The following TRIP12 variants were observed in gnomAD, a reference collection of about 807,000 sequenced individuals.
TRIP12 encodes thyroid hormone receptor interactor 12.
Under a neutral mutation model 244.2 loss-of-function variants are expected in TRIP12, and 25 were observed. The observed-to-expected ratio is 0.10, with a 90% CI of 0.07 to 0.14. The LOEUF is 0.14. Ranked by LOEUF, TRIP12 falls within the 10% of genes least tolerant of loss-of-function variation. The pLI, the probability that TRIP12 is intolerant of heterozygous loss-of-function variation, is 1.00. For synonymous variants in TRIP12, 905 were observed against 873.1 expected, an observed-to-expected ratio of 1.04 and a Z score of -0.64; for missense variants, 1,677 against 2,486.4, an observed-to-expected ratio of 0.67 and a Z score of 6.92.
rs2056267140 is a variant in TRIP12, at chr2:229,840,915, G to A, written c.1040C>T (p.Ser347Phe). Residue 347 changes from serine (S) to phenylalanine (F), a missense_variant, in exon 5 of 42, where the codon TCT (serine) becomes TTT (phenylalanine). By Grantham distance (155) the Ser-to-Phe change is radical. Around this residue, in one of 11 missense-constraint regions of TRIP12, gnomAD observed 143 missense variants for 215.6 expected, o/e 0.66. Coordinates refer to ENST00000675903, the MANE Select transcript of TRIP12 (RefSeq NM_001348323.3). ...TGGAGACTCACTGCGTTTCTTCGTA[G>A]ATTTTCTTAAACCTATCCACAGAAA... ...LQAKLASLRK[S>F]TKKRSESPPA... The A allele has an allele frequency of 6.2e-7, 1 of 1,602,430 alleles. No individual in the cohort carries two copies. Among genetic ancestry groups the A allele is most frequent in the African/African-American group, 1.4e-5 (1 of 73,954 alleles).
At chr2:229,798,177 A>G (rs2043289808) in intron 23 of TRIP12, among the ~76,000 whole-genome samples, 1 of 152,188 alleles carries the variant, frequency 6.6e-6, no homozygotes, top group African/African-American at 2.4e-5. Flanking sequence ...TTTCCTGGAG[A>G]GCTGAAGTAA....
At chr2:229,885,319 T>G (rs565556845) in intron 1 of TRIP12, among the ~76,000 whole-genome samples, 2 of 152,174 alleles carry the variant, frequency 1.3e-5, no homozygotes, top group Non-Finnish European at 2.9e-5. Context: ...TAAATTACAG[T>G]AATAAACACA....
chr2:229,842,071 A>G (rs1220131109), intron 4 of TRIP12, among the ~76,000 whole-genome samples: 1 of 152,236 alleles, frequency 6.6e-6, no homozygotes, highest in Non-Finnish European at 1.5e-5. Context: ...ATAAAAATCT[A>G]TGTTTAGACA....
intron 5 of TRIP12, among the ~76,000 whole-genome samples, chr2:229,838,910 G>A (rs566201): frequency 0.98 from 149,176 of 152,342 alleles, 73,125 homozygotes; most frequent in Middle Eastern, 1. Context: ...TACTTATGTC[G>A]CTATTGTAAC....
At position 229,777,309 on chromosome 2, in the gene TRIP12, G is replaced by A. The variant is rs745608710; in HGVS notation, c.5529+6C>T. The A allele has an allele frequency of 6.2e-7, 1 of 1,611,874 alleles. No homozygotes were observed. Among genetic ancestry groups the A allele is most frequent in the Non-Finnish European group, 8.5e-7 (1 of 1,178,464 alleles). On this transcript the variant is annotated splice_donor_region_variant and intron_variant, in intron 37 of 41. Transcript: ENST00000675903. ...TGATCTACTGGACTGTTTCTTCTAA[G>A]CCTACCTGGGATTTATCTTGTTCAA...
chr2:229,793,410 T>C (rs1395740168), intron 26 of TRIP12: 2 of 240,236 alleles, frequency 8.3e-6, no homozygotes, highest in East Asian at 1.6e-4. Flanking sequence ...CATAAATCCA[T>C]GGGAGCAGAA....
chr2:229,764,260 C>T lies in TRIP12; in HGVS notation c.*3294G>A, dbSNP rs1195504075. The T allele has an allele frequency of 2.0e-5, 3 of 152,012 alleles. No individual in the cohort carries two copies. Among genetic ancestry groups the T allele is most frequent in the African/African-American group, 4.8e-5 (2 of 41,378 alleles). 9.4% of individuals were successfully genotyped at this position (152,012 alleles called of 1,614,324 possible). A position where few individuals can be genotyped will look rare whatever the true frequency, so the allele number is the denominator to read the frequency against. ...GATTTGTCACTAGGTTATCCTTTACCGTGTATGTCAACTACTGCAATGTCA... is the reference window on the plus strand; with the variant it reads ...GATTTGTCACTAGGTTATCCTTTACTGTGTATGTCAACTACTGCAATGTCA... On this transcript the variant is annotated 3_prime_UTR_variant, in exon 42 of 42. Transcript: ENST00000675903.
At chr2:229,824,666 T>G (rs1308067000) in intron 8 of TRIP12, among the ~76,000 whole-genome samples, 1 of 151,994 alleles carries the variant, frequency 6.6e-6, no homozygotes, top group Non-Finnish European at 1.5e-5. Context: ...ACACGAAGAG[T>G]GAACACCAAA....
chr2:229,805,291 G>T (rs1035245231), intron 18 of TRIP12, among the ~76,000 whole-genome samples: 1 of 151,044 alleles, frequency 6.6e-6, no homozygotes, highest in African/African-American at 2.4e-5. Flanking sequence ...GGCTGAAAAA[G>T]CAATGAACTA....
chr2:229,864,047 A>AGAGAGAGAGAGAGTGTGTGT, intron 2 of TRIP12, among the ~76,000 whole-genome samples: 21 of 79,304 alleles, frequency 2.6e-4, no homozygotes, highest in South Asian at 1.5e-3. Flanking sequence ...AGAGAGAGAG[A>AGAGAGAGAGAGAGTGTGTGT]GTGTGTGTGT....
chr2:229,831,586 G>A (rs1258103422), intron 6 of TRIP12, among the ~76,000 whole-genome samples: 6 of 152,164 alleles, frequency 3.9e-5, no homozygotes, highest in Non-Finnish European at 8.8e-5. Context: ...TGCCGTGATC[G>A]TGCCACTGCA....
At chr2:229,866,831 A>G (rs974682047) in intron 2 of TRIP12, among the ~76,000 whole-genome samples, 1 of 152,170 alleles carries the variant, frequency 6.6e-6, no homozygotes, top group Non-Finnish European at 1.5e-5. Context: ...CACACCATTT[A>G]AACCTGGCCC....
At chr2:229,833,970 T>C (rs1018588538) in intron 6 of TRIP12, among the ~76,000 whole-genome samples, 1 of 152,218 alleles carries the variant, frequency 6.6e-6, no homozygotes, top group Non-Finnish European at 1.5e-5. Flanking sequence ...AAAATGTAAT[T>C]AATCAACAGC....
At chr2:229,883,124 A>T (rs1311151654) in intron 1 of TRIP12, among the ~76,000 whole-genome samples, 2 of 152,228 alleles carry the variant, frequency 1.3e-5, no homozygotes, top group Admixed American at 1.3e-4. Flanking sequence ...CTCGGAGATG[A>T]TCAAGTTCAA....
At chr2:229,822,486 C>T (rs909674583) in intron 8 of TRIP12, among the ~76,000 whole-genome samples, 13 of 152,116 alleles carry the variant, frequency 8.5e-5, no homozygotes, top group African/African-American at 3.1e-4. Flanking sequence ...TGAGTCATAC[C>T]AAAATTACCA....
intron 7 of TRIP12, among the ~76,000 whole-genome samples, chr2:229,829,887 T>C (rs886525378): frequency 3.9e-5 from 6 of 152,166 alleles, no homozygotes; most frequent in African/African-American, 1.4e-4. Flanking sequence ...AGGTGGAGTT[T>C]GCAGTGAGCT....
intron 1 of TRIP12, among the ~76,000 whole-genome samples, chr2:229,913,674 CTAA>C (rs2074784850): frequency 6.6e-6 from 1 of 152,148 alleles, no homozygotes; most frequent in Non-Finnish European, 1.5e-5. Context: ...GCAAACGATG[CTAA>C]TATTATTTCA....
chr2:229,769,317 C>T lies in TRIP12; in HGVS notation c.5817G>A (p.Gln1939=), dbSNP rs773803616. ...TGTCTGCTTTACTGCCACAAAGGAGCTGATCCAGCTGTGAGTTTAAATAAG... is the reference window on the plus strand; with the variant it reads ...TGTCTGCTTTACTGCCACAAAGGAGTTGATCCAGCTGTGAGTTTAAATAAG... ...LQYFYPEELD[Q]LLCGSKADTW... Residue 1939 remains glutamine (Q), a synonymous_variant, in exon 40 of 42, where the codon CAG becomes CAA. Transcript: ENST00000675903. 1 of 1,613,948 alleles carries T rather than the reference C, an allele frequency of 6.2e-7. No homozygotes were observed.
intron 8 of TRIP12, among the ~76,000 whole-genome samples, chr2:229,819,094 A>C (rs1350372764): frequency 6.7e-6 from 1 of 148,990 alleles, no homozygotes; most frequent in Non-Finnish European, 1.5e-5. Flanking sequence ...ACAATTATAA[A>C]CCCTTGCATC....
Sources: gnomAD v4.1 joint callset for allele counts (sites outside exome capture counted in the v4.1 genomes callset) on GRCh38, gnomAD v4.1.1 for gene constraint, gnomAD v4.1.1 regional missense constraint, MANE v1.5 for transcripts, NCBI Gene and HGNC (gene_info 2026-07-23, HGNC 2026-07-21) for gene names.